The following PLA2G4E variants were observed in gnomAD, a reference collection of about 807,000 sequenced individuals.
PLA2G4E encodes cytosolic phospholipase A2 epsilon.
A neutral mutation model predicts 109.1 loss-of-function variants in PLA2G4E; 84 were observed. That is an observed-to-expected ratio of 0.77 (90% CI 0.65 to 0.92). The LOEUF is 0.92. Among genes scored for constraint, PLA2G4E ranks in the 40% least tolerant of loss-of-function variants. PLA2G4E has a pLI of 0.00. For missense variants in PLA2G4E, 1,057 were observed against 1,076.6 expected, an observed-to-expected ratio of 0.98 and a Z score of 0.25; for synonymous variants, 469 against 436.1, an observed-to-expected ratio of 1.08 and a Z score of -0.94.
chr15:42,039,409 C>T (rs1309141304), intron 1 of PLA2G4E, among the ~76,000 whole-genome samples: 1 of 151,850 alleles, frequency 6.6e-6, no homozygotes, highest in Non-Finnish European at 1.5e-5. Flanking sequence ...GAGAATGTAC[C>T]AATATGGAAA....
rs1889456318 is a variant in PLA2G4E at position 42,048,605 on chromosome 15, C to T, written c.183+1916G>A. ...TGTGACAGGCATGGGGATGACGGGGCGGAGGGGAGAAATCACGGTAAAGTC... is the reference window on the plus strand; with the variant it reads ...TGTGACAGGCATGGGGATGACGGGGTGGAGGGGAGAAATCACGGTAAAGTC... On this transcript the variant is annotated intron_variant, in intron 1 of 19. Coordinates refer to ENST00000399518, the Ensembl canonical transcript of PLA2G4E. 2.0e-5 allele frequency among the ~76,000 whole-genome samples: 3 copies of T among 152,188 alleles called. 1 individual carries two copies. In the South Asian group the frequency reaches 6.2e-4, roughly 32 times the overall value.
chr15:42,025,274 G>T (rs999556006), intron 1 of PLA2G4E, among the ~76,000 whole-genome samples: 4 of 151,868 alleles, frequency 2.6e-5, no homozygotes, highest in Non-Finnish European at 5.9e-5. Flanking sequence ...TCGCCAGTAA[G>T]ACAGGTTTAC....
intron 2 of PLA2G4E, among the ~76,000 whole-genome samples, chr15:42,011,145 G>A (rs1008370938): frequency 2.0e-5 from 3 of 152,224 alleles, no homozygotes; most frequent in African/African-American, 4.8e-5. Context: ...TGAGGAAAAC[G>A]TAAGCAACAG....
At chr15:41,991,478 T>C (rs2141029102) in intron 13 of PLA2G4E, among the ~76,000 whole-genome samples, 1 of 144,816 alleles carries the variant, frequency 6.9e-6, no homozygotes, top group African/African-American at 2.5e-5. Flanking sequence ...CTGCTCTGCT[T>C]CATAGGGAGG....
At chr15:41,989,533 G>T in exon 15 of PLA2G4E, 1 of 1,613,680 alleles carries the variant, frequency 6.2e-7, no homozygotes, top group Non-Finnish European at 8.5e-7. Context: ...CCACCTCGTA[G>T]GGGGAGAACT....
chr15:42,007,279 C>A (rs1015694922), intron 3 of PLA2G4E, among the ~76,000 whole-genome samples: 1 of 152,068 alleles, frequency 6.6e-6, no homozygotes, highest in Non-Finnish European at 1.5e-5. Context: ...TCCCATGGAA[C>A]AACTCAACAA....
intron 3 of PLA2G4E, among the ~76,000 whole-genome samples, chr15:42,006,373 CT>C (rs1414935351): frequency 6.6e-6 from 1 of 152,146 alleles, no homozygotes; most frequent in Non-Finnish European, 1.5e-5. Flanking sequence ...AGAATTTTGC[CT>C]CTTTTACAAG....
exon 12 of PLA2G4E, chr15:41,995,386 G>A (rs1243603369): frequency 5.6e-6 from 9 of 1,613,452 alleles, no homozygotes; most frequent in Non-Finnish European, 6.8e-6. Context: ...GACCGGTGAT[G>A]TAGCTGGCAC....
intron 3 of PLA2G4E, among the ~76,000 whole-genome samples, chr15:42,007,048 C>T (rs970323881): frequency 1.4e-4 from 21 of 152,126 alleles, no homozygotes; most frequent in African/African-American, 3.4e-4. Context: ...AGATACGTCA[C>T]GTAACAAAAA....
intron 1 of PLA2G4E, among the ~76,000 whole-genome samples, chr15:42,017,490 C>T (rs114342326): frequency 0.012 from 1,800 of 152,292 alleles, 36 homozygotes; most frequent in African/African-American, 0.041. Flanking sequence ...AACCGCCCCA[C>T]GAAGCAGTTA....
At chr15:42,001,657 T>A (rs1338090499) in intron 6 of PLA2G4E, among the ~76,000 whole-genome samples, 2 of 152,206 alleles carry the variant, frequency 1.3e-5, no homozygotes, top group Non-Finnish European at 2.9e-5. Flanking sequence ...AGGCACTGGA[T>A]GCATTTAATT....
rs187823110 is a variant in PLA2G4E at position 42,021,646 on chromosome 15, G to A, written c.184-7889C>T. Among the ~76,000 whole-genome samples the A allele has an allele frequency of 5.5e-3, 837 of 152,198 alleles. 5 individuals are homozygous for A. Among genetic ancestry groups the A allele is most frequent in the Middle Eastern group, 0.024 (7 of 294 alleles). On this transcript the variant is annotated intron_variant, in intron 1 of 19. Coordinates refer to ENST00000399518, the Ensembl canonical transcript of PLA2G4E. ...CCTCCTGGGAGGCCAGGTGGAGAGA[G>A]GGCGTGTCCAGCCCCTGCCTGGTCT...
At chr15:42,048,900 C>T (rs1889462043) in intron 1 of PLA2G4E, among the ~76,000 whole-genome samples, 1 of 152,230 alleles carries the variant, frequency 6.6e-6, no homozygotes, top group Non-Finnish European at 1.5e-5. Flanking sequence ...TCGTTGCTCC[C>T]AAAACCTTTC....
intron 1 of PLA2G4E, among the ~76,000 whole-genome samples, chr15:42,019,517 C>T (rs575500909): frequency 6.6e-6 from 1 of 152,274 alleles, no homozygotes; most frequent in South Asian, 2.1e-4. Context: ...GGAACTCCCT[C>T]CCCAGGGCTT....
Position 42,001,142 on chromosome 15 carries a change from G to T in PLA2G4E, c.673+15C>A. On this transcript the variant is annotated intron_variant, in intron 7 of 19. Coordinates refer to ENST00000399518, the Ensembl canonical transcript of PLA2G4E. ...CCCTTGTCCCCCAGTAGGCAGAAAA[G>T]GCAAAACAGCTCACTTTTCTCCCTC... The T allele has an allele frequency of 6.2e-7, 1 of 1,610,018 alleles. No homozygotes were observed. The highest frequency in any genetic ancestry group is 8.5e-7 in the Non-Finnish European group (1 of 1,176,424).
chr15:42,034,688 GA>G (rs1889177444), intron 1 of PLA2G4E, among the ~76,000 whole-genome samples: 1 of 152,184 alleles, frequency 6.6e-6, no homozygotes, highest in Non-Finnish European at 1.5e-5. Context: ...TATTGAGAAA[GA>G]GAGAGAAGAA....
chr15:42,018,651 C>T (rs1428793821), intron 1 of PLA2G4E, among the ~76,000 whole-genome samples: 1 of 152,156 alleles, frequency 6.6e-6, no homozygotes, highest in African/African-American at 2.4e-5. Context: ...ACAGGCTGGA[C>T]AGCAGTTTTC....
At chr15:42,026,653 C>T (rs1049838502) in intron 1 of PLA2G4E, among the ~76,000 whole-genome samples, 1 of 152,068 alleles carries the variant, frequency 6.6e-6, no homozygotes, top group African/African-American at 2.4e-5. Flanking sequence ...GAATATCAGA[C>T]AGCAATTCTG....
intron 1 of PLA2G4E, among the ~76,000 whole-genome samples, chr15:42,037,983 C>T (rs1234225458): frequency 6.6e-6 from 1 of 152,126 alleles, no homozygotes; most frequent in East Asian, 1.9e-4. Context: ...GCAGAACGAA[C>T]CCAGCGGACC....
Sources: allele counts gnomAD v4.1 joint callset (sites outside exome capture counted in the v4.1 genomes callset), GRCh38; gene constraint gnomAD v4.1.1; transcripts MANE v1.5; gene names NCBI Gene and HGNC (gene_info 2026-07-23, HGNC 2026-07-21).